The following PHF8 variants were observed in gnomAD, a reference collection of about 807,000 sequenced individuals.
PHF8 encodes histone lysine demethylase PHF8.
Under a neutral mutation model 74.4 loss-of-function variants are expected in PHF8, and 9 were observed. That is an observed-to-expected ratio of 0.12 (90% CI 0.07 to 0.21). The LOEUF (loss-of-function observed/expected upper bound fraction) is 0.21, where lower values mean the gene tolerates loss of function less well. Ranked by LOEUF, PHF8 falls within the 10% of genes least tolerant of loss-of-function variation. The pLI, the probability that PHF8 is intolerant of heterozygous loss-of-function variation, is 1.00. For missense variants in PHF8, 478 were observed against 816.6 expected, an observed-to-expected ratio of 0.59 and a Z score of 5.05; for synonymous variants, 311 against 316.6, an observed-to-expected ratio of 0.98 and a Z score of 0.19.
At position 54,022,807 on chromosome X, in the gene PHF8, A is replaced by G; in HGVS notation, c.135T>C (p.Ile45=). ...CACAGTTGGGGCAGTGGTAGAGGTC[A>G]ATGTCAGCAGCCTTCTCCTCTTCAA... ...VGVEEEKAAD[I]DLYHCPNCEV... The change falls in exon 3 of 22, where the codon ATT becomes ATC. Residue 45 remains isoleucine, a synonymous_variant. Transcript: ENST00000338154. 8.3e-7 allele frequency: 1 copy of G among 1,201,104 alleles called. No homozygotes were observed. The highest frequency in any genetic ancestry group is 1.8e-5 in the South Asian group (1 of 56,627).
Position 53,962,903 on chromosome X carries a change from G to A in PHF8, c.2480C>T (p.Ala827Val). 1 of 1,194,831 alleles carries A rather than the reference G, an allele frequency of 8.4e-7. No homozygotes were observed. Among genetic ancestry groups the A allele is most frequent in the East Asian group, 3.0e-5 (1 of 33,738 alleles). Residue 827 changes from alanine (A) to valine (V), a missense_variant, in exon 19 of 22, where the codon GCT becomes GTT. By Grantham distance (64) the Ala-to-Val change is moderately conservative. Coordinates refer to ENST00000338154, the MANE Select transcript of PHF8 (RefSeq NM_015107.3). ...CTTTTTCTTGGGTCGAGATTTCAAA[G>A]CAGGGTCATCATCATCAGACTCCAG... Reference protein sequence around the residue: ...PSLESDDDDPALKSRPKKKKN... With the variant: ...PSLESDDDDPVLKSRPKKKKN...
chrX:53,977,803 C>T (rs1185756532), intron 18 of PHF8, among the ~76,000 whole-genome samples: 14 of 108,740 alleles, frequency 1.3e-4, no homozygotes, highest in African/African-American at 3.0e-4. Flanking sequence ...CCCGACACCA[C>T]GCCCGGCTAA....
chrX:53,936,821 A>G lies in PHF8; in HGVS notation c.*2337T>C, dbSNP rs1330736204. On this transcript the variant is annotated 3_prime_UTR_variant, in exon 22 of 22. Transcript: ENST00000338154. ...AATGATGCTACCCTAACCTATTTAT[A>G]AAAAGGCCCTGCATCAGAAATTCAC... 8.9e-6 allele frequency: 1 copy of G among 112,345 alleles called. No individual in the cohort carries two copies. The highest frequency in any genetic ancestry group is 9.5e-5 in the Admixed American group (1 of 10,561). 9.3% of individuals were successfully genotyped at this position (112,345 alleles called of 1,213,427 possible).
At position 53,985,058 on chromosome X, in the gene PHF8, T is replaced by C. The variant is rs199974926; in HGVS notation, c.2299A>G (p.Asn767Asp). ...GGGGTGCGCTGGGAAGCAGGACTGT[T>C]AGACACTGTGCCCAGCCCACTGCTG... ...SSSSGLGTVS[N>D]SPASQRTPGK... is the part of the protein sequence containing the mutation. Residue 767 changes from asparagine to aspartate, a missense_variant, in exon 18 of 22, where the codon AAC becomes GAC. By Grantham distance (23) the Asn-to-Asp change is conservative. This residue lies in a region of PHF8 where 51 missense variants were observed against 45.8 expected (regional missense o/e 1.11). Coordinates refer to ENST00000338154, the MANE Select transcript of PHF8 (RefSeq NM_015107.3). 20 of 1,209,771 alleles carry C rather than the reference T, an allele frequency of 1.7e-5. No individual in the cohort carries two copies. Among genetic ancestry groups the C allele is most frequent in the Middle Eastern group, 2.3e-4 (1 of 4,352 alleles).
Position 53,940,232 on chromosome X carries a change from G to A in PHF8, c.2934C>T (p.Phe978=). ...RSTTPMAPGV[F]LTQRRPSVGS... ...CAACTGAAGGGCGCCGCTGGGTCAAGAAGACACCGGGGGCCATAGGTGTGG... is the reference window on the plus strand; with the variant it reads ...CAACTGAAGGGCGCCGCTGGGTCAAAAAGACACCGGGGGCCATAGGTGTGG... The change falls in exon 21 of 22, where the codon TTC becomes TTT. Residue 978 remains phenylalanine, a synonymous_variant. Transcript: ENST00000338154. The A allele has an allele frequency of 8.4e-7, 1 of 1,193,981 alleles. No individual in the cohort carries two copies. The highest frequency in any genetic ancestry group is 1.1e-6 in the Non-Finnish European group (1 of 886,191).
rs1049946752 is a variant in PHF8, at chrX:53,943,457, A to T, written c.2649+677T>A. The T allele has an allele frequency of 1.6e-5, 17 of 1,034,551 alleles. No individual in the cohort carries two copies. In the African/African-American group the frequency reaches 2.9e-4, roughly 17 times the overall value. 85.3% of individuals were successfully genotyped at this position (1,034,551 alleles called of 1,213,427 possible). ...AACAGGGCTATTGGGCAGATAGATT[A>T]CATTACACATTATATATGGAAGCAA... On this transcript the variant is annotated intron_variant, in intron 20 of 21. Coordinates refer to ENST00000338154, the MANE Select transcript of PHF8 (RefSeq NM_015107.3).
intron 4 of PHF8, 151 bp from the exon 5 acceptor site, chrX:54,017,972 A>T: frequency 2.0e-6 from 1 of 507,832 alleles, no homozygotes; most frequent in South Asian, 2.9e-5. Context: ...GCCAGGGAAG[A>T]AATGATCTGT....
At chrX:54,028,962 A>T in intron 2 of PHF8, among the ~76,000 whole-genome samples, 1 of 112,388 alleles carries the variant, frequency 8.9e-6, no homozygotes, top group South Asian at 3.7e-4. Context: ...TAAGATGGGG[A>T]TAAAAACTGT....
intron 14 of PHF8, 145 bp downstream of exon 14, chrX:53,992,591 A>G (rs112677043): frequency 0.053 from 25,463 of 483,817 alleles, 1,508 homozygotes; most frequent in African/African-American, 0.28. Flanking sequence ...ACTAAGCAAC[A>G]ATACATTATA....
At chrX:53,940,097 GTATTGTCA>G (rs1294461535) in intron 21 of PHF8, 75 bp downstream of exon 21, 24 of 761,199 alleles carry the variant, frequency 3.2e-5, no homozygotes, top group Non-Finnish European at 4.5e-5. Context: ...TCCCTCCCTG[GTATTGTCA>G]TCTACTAGAG....
intron 8 of PHF8, among the ~76,000 whole-genome samples, chrX:54,006,684 C>T (rs1419330589): frequency 1.8e-5 from 2 of 111,336 alleles, no homozygotes; most frequent in Non-Finnish European, 3.8e-5. Context: ...GCCTGTAATC[C>T]CAGCACTTTG....
Position 54,044,250 on chromosome X carries a change from A to C in PHF8, c.-581T>G. The C allele has an allele frequency of 2.6e-6, 2 of 755,065 alleles. No individual in the cohort carries two copies. The highest frequency in any genetic ancestry group is 3.1e-6 in the Non-Finnish European group (2 of 639,395). 62.2% of individuals were successfully genotyped at this position (755,065 alleles called of 1,213,427 possible). ...GAGCAAACCAACGGGGAAAGAGATG[A>C]ACCGGCCGCCACGTCCGAGGCACAC... is the stretch of plus-strand genomic sequence containing the variant. On this transcript the variant is annotated 5_prime_UTR_variant, in exon 1 of 22. Coordinates refer to ENST00000338154, the MANE Select transcript of PHF8 (RefSeq NM_015107.3).
In PHF8 at chrX:53,943,463, C is replaced by T. The variant is rs1386001169; in HGVS notation, c.2649+671G>A. On this transcript the variant is annotated intron_variant, in intron 20 of 21. Coordinates refer to ENST00000338154, the MANE Select transcript of PHF8 (RefSeq NM_015107.3). ...GCTATTGGGCAGATAGATTACATTA[C>T]ACATTATATATGGAAGCAACTAACA... The T allele has an allele frequency of 2.5e-5, 26 of 1,034,351 alleles. No individual in the cohort carries two copies. The East Asian group carries it at 8.3e-4, about 33-fold the overall frequency. 85.2% of individuals were successfully genotyped at this position (1,034,351 alleles called of 1,213,427 possible).
At chrX:54,008,480 G>T (rs1371620989) in intron 8 of PHF8, among the ~76,000 whole-genome samples, 6 of 109,423 alleles carry the variant, frequency 5.5e-5, no homozygotes, top group Non-Finnish European at 9.5e-5. Flanking sequence ...CCTGAGGTTG[G>T]GAGTTCGAGA....
intron 2 of PHF8, among the ~76,000 whole-genome samples, chrX:54,035,350 C>CT (rs1557113757): frequency 9.8e-6 from 1 of 102,077 alleles, no homozygotes; most frequent in Non-Finnish European, 2.0e-5. Flanking sequence ...GAGTGAGACT[C>CT]TGTCTCAAAA....
chrX:53,984,594 GAA>G (rs782642273), intron 18 of PHF8, among the ~76,000 whole-genome samples: 4 of 111,543 alleles, frequency 3.6e-5, no homozygotes, highest in African/African-American at 1.3e-4. Context: ...ACAGGCAAGA[GAA>G]AAAAAGAGTC....
At chrX:54,033,665 G>A (rs899802503) in intron 2 of PHF8, among the ~76,000 whole-genome samples, 2 of 110,451 alleles carry the variant, frequency 1.8e-5, no homozygotes, top group Non-Finnish European at 3.8e-5. Flanking sequence ...AGTGAGCCGA[G>A]ATCGCACCAT....
At position 53,942,760 on chromosome X, in the gene PHF8, T is replaced by C. The variant is rs781995209; in HGVS notation, c.2649+1374A>G. ...AAGGGCTGTTAGGTAAGGGATCTGA[T>C]AGGGTATGATTCTCAATGGGTAAAA... On this transcript the variant is annotated intron_variant, in intron 20 of 21. Coordinates refer to ENST00000338154, the MANE Select transcript of PHF8 (RefSeq NM_015107.3). 6.7e-6 allele frequency: 5 copies of C among 750,842 alleles called. No homozygotes were observed. In the African/African-American group the frequency reaches 9.3e-5, roughly 14 times the overall value. 61.9% of individuals were successfully genotyped at this position (750,842 alleles called of 1,213,427 possible). A position where few individuals can be genotyped will look rare whatever the true frequency, so the allele number is the denominator to read the frequency against.
In PHF8 at chrX:53,995,781, G is replaced by A. The variant is rs1557102675; in HGVS notation, c.1235C>T (p.Ala412Val). The part of the protein sequence containing the change: ...LAFRAWTRKE[A>V]LPDHEDEIPE... ...GATCTCATCCTCATGGTCTGGCAGA[G>A]CCTGTCAAACAAGAGGCATGAGGAA... The change falls in exon 12 of 22, where the codon GCT becomes GTT. Residue 412 changes from alanine (A) to valine (V), a missense_variant and splice_region_variant. Physicochemically the swap from Ala to Val is moderately conservative, Grantham distance 64. Coordinates refer to ENST00000338154, the MANE Select transcript of PHF8 (RefSeq NM_015107.3). The A allele has an allele frequency of 8.6e-7, 1 of 1,168,609 alleles. No individual in the cohort carries two copies. Among genetic ancestry groups the A allele is most frequent in the Admixed American group, 2.2e-5 (1 of 45,900 alleles).
Sources: allele counts gnomAD v4.1 joint callset (sites outside exome capture counted in the v4.1 genomes callset), GRCh38; gene constraint gnomAD v4.1.1; regional missense constraint gnomAD v4.1.1; transcripts MANE v1.5; gene names NCBI Gene and HGNC (gene_info 2026-07-23, HGNC 2026-07-21).